The following MIS18A variants were observed in gnomAD, a reference collection of about 807,000 sequenced individuals.
The protein encoded by MIS18A is protein Mis18-alpha.
Under a neutral mutation model 25.0 loss-of-function variants are expected in MIS18A, and 14 were observed. The observed-to-expected ratio is 0.56, with a 90% CI of 0.37 to 0.88. The LOEUF is 0.88. MIS18A is among the 40% of genes least tolerant of loss of function. The pLI is 0.00. For synonymous variants in MIS18A, 134 were observed against 118.6 expected (o/e 1.13, Z -0.84); for missense variants, 292 against 290.8 (o/e 1.00, Z -0.03).
chr21:32,158,702 T>G, the MIS18A span, among the ~76,000 whole-genome samples: 48 of 152,286 alleles, frequency 3.2e-4, no homozygotes, highest in African/African-American at 1.1e-3. Context: ...CTCGAACTCC[T>G]GACCTCAGGT....
At chr21:32,186,386 AG>A in the MIS18A span, among the ~76,000 whole-genome samples, 1 of 152,232 alleles carries the variant, frequency 6.6e-6, no homozygotes, top group Non-Finnish European at 1.5e-5. Context: ...CCTTAAGGCT[AG>A]GCCTTATGTT....
chr21:32,251,231 A>G, the MIS18A span, among the ~76,000 whole-genome samples: 11 of 152,330 alleles, frequency 7.2e-5, no homozygotes, highest in East Asian at 1.5e-3. Context: ...CAGGTAACAC[A>G]AAAATCTCAG....
the MIS18A span, among the ~76,000 whole-genome samples, chr21:32,191,461 G>A: frequency 6.6e-6 from 1 of 152,150 alleles, no homozygotes; most frequent in Non-Finnish European, 1.5e-5. Context: ...GCATTGTGGT[G>A]CAAGCCTGTA....
At chr21:32,238,073 G>T in the MIS18A span, among the ~76,000 whole-genome samples, 1 of 152,276 alleles carries the variant, frequency 6.6e-6, no homozygotes, top group Non-Finnish European at 1.5e-5. Context: ...CTGGCAAAAG[G>T]AGAGGGGAGA....
At chr21:32,186,192 A>C in the MIS18A span, among the ~76,000 whole-genome samples, 1 of 152,352 alleles carries the variant, frequency 6.6e-6, no homozygotes, top group East Asian at 1.9e-4. Flanking sequence ...CTTGGACAGT[A>C]ACTCTACCTG....
chr21:32,241,317 A>G, the MIS18A span, among the ~76,000 whole-genome samples: 1 of 151,864 alleles, frequency 6.6e-6, no homozygotes, highest in African/African-American at 2.4e-5. Context: ...TCCGAGCAAC[A>G]TTCCAGTGGA....
the MIS18A span, among the ~76,000 whole-genome samples, chr21:32,159,454 T>A: frequency 6.6e-6 from 1 of 152,238 alleles, no homozygotes; most frequent in Non-Finnish European, 1.5e-5. Flanking sequence ...TTCATAAGCA[T>A]ATACAGGCAA....
the MIS18A span, among the ~76,000 whole-genome samples, chr21:32,217,921 C>A: frequency 6.6e-6 from 1 of 152,066 alleles, no homozygotes; most frequent in Admixed American, 6.5e-5. Context: ...AAGCTGGGTG[C>A]AGTGGCTCAC....
chr21:32,173,767 G>A, the MIS18A span, among the ~76,000 whole-genome samples: 194 of 152,096 alleles, frequency 1.3e-3, no homozygotes, highest in Non-Finnish European at 2.2e-3. Flanking sequence ...TAGGGGATGG[G>A]GGTAATGAAG....
the MIS18A span, among the ~76,000 whole-genome samples, chr21:32,174,093 T>C: frequency 6.7e-6 from 1 of 150,010 alleles, no homozygotes; most frequent in Non-Finnish European, 1.5e-5. Context: ...GCCTCCAGAG[T>C]AGCTGGGACT....
At chr21:32,193,720 C>CT in the MIS18A span, among the ~76,000 whole-genome samples, 3,034 of 145,126 alleles carry the variant, frequency 0.021, 86 homozygotes, top group African/African-American at 0.065. Flanking sequence ...TAAACTATTT[C>CT]TTTTTTTTTT....
chr21:32,262,231 C>A, the MIS18A span, among the ~76,000 whole-genome samples: 2 of 152,194 alleles, frequency 1.3e-5, no homozygotes, highest in Admixed American at 1.3e-4. Flanking sequence ...CTCCGCACCT[C>A]CTAAATGATC....
the MIS18A span, among the ~76,000 whole-genome samples, chr21:32,173,002 TGAAACTGTTAGGAG>T: frequency 1.3e-5 from 2 of 152,118 alleles, no homozygotes; most frequent in African/African-American, 2.4e-5. Flanking sequence ...TATAAAACTA[TGAAACTGTTAGGAG>T]AAAACTGTTG....
intron 1 of MIS18A, 103 bp downstream of exon 1, chr21:32,278,577 TG>T: frequency 8.1e-7 from 1 of 1,227,582 alleles, no homozygotes; most frequent in Non-Finnish European, 1.1e-6. Context: ...TTAAAGTCCC[TG>T]GGCAGCCCCA....
At chr21:32,245,561 C>A in the MIS18A span, among the ~76,000 whole-genome samples, 2 of 152,120 alleles carry the variant, frequency 1.3e-5, no homozygotes, top group African/African-American at 4.8e-5. Flanking sequence ...AGGAGGCAGC[C>A]AGGGAACAGT....
the MIS18A span, among the ~76,000 whole-genome samples, chr21:32,175,905 T>C: frequency 2.0e-5 from 3 of 152,182 alleles, no homozygotes; most frequent in South Asian, 6.2e-4. Flanking sequence ...TCTGTTTTAA[T>C]TTTTTTATTT....
At chr21:32,257,952 T>A in the MIS18A span, among the ~76,000 whole-genome samples, 10 of 152,226 alleles carry the variant, frequency 6.6e-5, no homozygotes, top group Non-Finnish European at 1.3e-4. Flanking sequence ...GTGCTTTGGA[T>A]GTCTTGACCC....
the MIS18A span, among the ~76,000 whole-genome samples, chr21:32,195,377 G>A: frequency 6.6e-6 from 1 of 152,310 alleles, no homozygotes; most frequent in Non-Finnish European, 1.5e-5. Flanking sequence ...TAAAATGCAA[G>A]TTCTCAGACC....
intron 2 of MIS18A, among the ~76,000 whole-genome samples, chr21:32,273,432 C>T (rs1166427646): frequency 1.3e-5 from 2 of 151,982 alleles, no homozygotes; most frequent in Admixed American, 1.3e-4. Flanking sequence ...TACATAGAAG[C>T]CCCCCAGCCA....
Sources: gnomAD v4.1 joint callset for allele counts (sites outside exome capture counted in the v4.1 genomes callset) on GRCh38, gnomAD v4.1.1 for gene constraint, MANE v1.5 for transcripts, NCBI Gene and HGNC (gene_info 2026-07-23, HGNC 2026-07-21) for gene names.